Variants in GPHN observed in about 807,000 individuals in gnomAD.
GPHN encodes gephyrin.
GPHN carries 17 observed loss-of-function variants against 95.5 expected under a neutral mutation model. The observed-to-expected ratio is 0.18, with a 90% CI of 0.12 to 0.27. The LOEUF is 0.27. GPHN is among the 10% of genes least tolerant of loss of function. The pLI, the probability that GPHN is intolerant of heterozygous loss-of-function variation, is 1.00. For missense variants in GPHN, 660 were observed against 978.1 expected, an observed-to-expected ratio of 0.67 and a Z score of 4.34; for synonymous variants, 320 against 322.5, an observed-to-expected ratio of 0.99 and a Z score of 0.08.
At chr14:66,916,931 G>A (rs531330642) in intron 6 of GPHN, among the ~76,000 whole-genome samples, 1 of 152,314 alleles carries the variant, frequency 6.6e-6, no homozygotes, top group Admixed American at 6.5e-5. Flanking sequence ...CACAGCAGTA[G>A]TATCAGTGTG....
chr14:66,576,894 A>G (rs752496432), intron 1 of GPHN, among the ~76,000 whole-genome samples: 12 of 152,192 alleles, frequency 7.9e-5, no homozygotes, highest in Non-Finnish European at 1.6e-4. Flanking sequence ...ATTTGAAATA[A>G]CATTATTCAA....
the GPHN span, among the ~76,000 whole-genome samples, chr14:67,637,628 C>T: frequency 2.0e-5 from 3 of 151,922 alleles, no homozygotes; most frequent in African/African-American, 7.2e-5. Context: ...TTGGTAGTAC[C>T]CAATACTATT....
the GPHN span, among the ~76,000 whole-genome samples, chr14:67,453,339 G>C: frequency 6.6e-6 from 1 of 152,146 alleles, no homozygotes; most frequent in Non-Finnish European, 1.5e-5. Context: ...CTGAGGGAAG[G>C]AGCAGGAGAG....
At chr14:67,171,949 C>T (rs920636560) in intron 21 of GPHN, among the ~76,000 whole-genome samples, 1 of 152,156 alleles carries the variant, frequency 6.6e-6, no homozygotes, top group African/African-American at 2.4e-5. Flanking sequence ...ACCCTGCAGC[C>T]CTCACAAGCA....
At chr14:67,699,956 A>T in the GPHN span, among the ~76,000 whole-genome samples, 10 of 152,048 alleles carry the variant, frequency 6.6e-5, no homozygotes, top group Non-Finnish European at 1.3e-4. Flanking sequence ...CCTGGCCAAC[A>T]TGGTGAAACC....
chr14:66,529,910 G>T (rs1442360156), intron 1 of GPHN, among the ~76,000 whole-genome samples: 1 of 152,190 alleles, frequency 6.6e-6, no homozygotes, highest in Admixed American at 6.5e-5. Flanking sequence ...GTCGACCCCT[G>T]CTGGGAGGCA....
At chr14:66,770,531 A>G (rs2059126513) in intron 2 of GPHN, among the ~76,000 whole-genome samples, 1 of 152,192 alleles carries the variant, frequency 6.6e-6, no homozygotes, top group African/African-American at 2.4e-5. Context: ...AGAAAATTGT[A>G]ACAAGAATCT....
chr14:67,422,634 C>G, the GPHN span, among the ~76,000 whole-genome samples: 1 of 152,196 alleles, frequency 6.6e-6, no homozygotes, highest in African/African-American at 2.4e-5. Flanking sequence ...CATCCCAGTT[C>G]ACCCCTAACT....
chr14:67,411,432 G>A, the GPHN span, among the ~76,000 whole-genome samples: 1 of 152,108 alleles, frequency 6.6e-6, no homozygotes, highest in South Asian at 2.1e-4. Context: ...CACCGTGTAT[G>A]GCACTGGGGA....
chr14:67,074,148 T>C (rs2076409840), intron 11 of GPHN, among the ~76,000 whole-genome samples: 1 of 152,034 alleles, frequency 6.6e-6, no homozygotes, highest in Admixed American at 6.6e-5. Context: ...ATGAATGTTA[T>C]ACATGCATAC....
At chr14:66,924,546 C>T (rs1318484940) in intron 8 of GPHN, among the ~76,000 whole-genome samples, 1 of 152,138 alleles carries the variant, frequency 6.6e-6, no homozygotes, top group Non-Finnish European at 1.5e-5. Context: ...AAATGACTTG[C>T]AAGAAAGTCA....
the GPHN span, chr14:67,691,005 C>G: frequency 1.5e-6 from 1 of 671,152 alleles, no homozygotes; most frequent in South Asian, 1.8e-5. Flanking sequence ...TCAGGTAGGA[C>G]CAAACTATTA....
At chr14:66,997,728 T>G (rs1162421448) in intron 9 of GPHN, among the ~76,000 whole-genome samples, 1 of 152,210 alleles carries the variant, frequency 6.6e-6, no homozygotes, top group African/African-American at 2.4e-5. Flanking sequence ...CTTCTTCAAT[T>G]TTTAACTTTG....
At chr14:67,724,470 T>C in the GPHN span, 2 of 1,591,356 alleles carry the variant, frequency 1.3e-6, no homozygotes, top group Admixed American at 1.7e-5. Context: ...CCCTTGCCGA[T>C]AGGAAGTTCT....
intron 5 of GPHN, among the ~76,000 whole-genome samples, chr14:66,883,124 C>A (rs75102968): frequency 0.015 from 2,296 of 151,832 alleles, 33 homozygotes; most frequent in Non-Finnish European, 0.018. Context: ...TGGGAAATTT[C>A]CTTTTTTTTG....
intron 7 of GPHN, among the ~76,000 whole-genome samples, chr14:66,923,908 A>AT (rs3842330): frequency 1.8e-3 from 271 of 149,110 alleles, no homozygotes; most frequent in African/African-American, 3.0e-3. Context: ...GTTTTGTGTG[A>AT]TTTTTTTTTT....
At chr14:67,257,022 A>G in the GPHN span, among the ~76,000 whole-genome samples, 1 of 152,142 alleles carries the variant, frequency 6.6e-6, no homozygotes, top group Non-Finnish European at 1.5e-5. Context: ...AGCTTTTTTT[A>G]AATACGTTTT....
chr14:67,134,953 C>CTTTTT lies in GPHN; in HGVS notation c.1749-8387_1749-8383dup, dbSNP rs57933607. ...CTTTTTTTCTCTTTCTTTCTTTCTTCTTTTTTTTTTTTTTTTTTTTTTTTT... is the reference window on the plus strand; with the variant it reads ...CTTTTTTTCTCTTTCTTTCTTTCTTCTTTTTTTTTTTTTTTTTTTTTTTTTTTTTT... On this transcript the variant is annotated intron_variant, in intron 17 of 22. Transcript: ENST00000478722. Among the ~76,000 whole-genome samples the CTTTTT allele has an allele frequency of 5.5e-3, 248 of 45,232 alleles. 18 individuals carry two copies. Among genetic ancestry groups the CTTTTT allele is most frequent in the Non-Finnish European group, 7.6e-3 (181 of 23,708 alleles). The allele number at this position is 45,232 out of a possible 152,430, so 29.7% of individuals were successfully genotyped here.
chr14:67,569,797 C>A, the GPHN span: 1 of 687,844 alleles, frequency 1.5e-6, no homozygotes, highest in Non-Finnish European at 2.7e-6. Flanking sequence ...GCCCTGGCCC[C>A]CCTCTTGAGA....
Sources: allele counts gnomAD v4.1 joint callset (sites outside exome capture counted in the v4.1 genomes callset), GRCh38; gene constraint gnomAD v4.1.1; transcripts MANE v1.5; gene names NCBI Gene and HGNC (gene_info 2026-07-23, HGNC 2026-07-21).